ADAMTS9: variants seen among roughly 807,000 people sequenced by gnomAD.
ADAMTS9 encodes the protein A disintegrin and metalloproteinase with thrombospondin motifs 9.
In ADAMTS9, 107 loss-of-function variants were observed where a neutral mutation model predicts 257.1. The observed-to-expected ratio is 0.42, with a 90% confidence interval of 0.36 to 0.49. ADAMTS9 has a LOEUF of 0.49. ADAMTS9 is among the 20% of genes least tolerant of loss of function. The pLI is 0.03. For synonymous variants in ADAMTS9, 982 were observed against 880.9 expected, an observed-to-expected ratio of 1.11 and a Z score of -2.03; for missense variants, 2,353 against 2,469.1, an observed-to-expected ratio of 0.95 and a Z score of 1.00.
chr3:64,546,981 T>G, intron 31 of ADAMTS9, 29 bp from the exon 32 acceptor site: 1 of 1,583,082 alleles, frequency 6.3e-7, no homozygotes, highest in South Asian at 1.2e-5. Context: ...AGAGGAGAGG[T>G]TCGAGCAGTT....
intron 38 of ADAMTS9, among the ~76,000 whole-genome samples, chr3:64,527,484 G>A (rs1425758748): frequency 2.0e-5 from 3 of 152,030 alleles, no homozygotes; most frequent in African/African-American, 7.3e-5. Flanking sequence ...TGGGGGTGGA[G>A]GTGGGGATTT....
At position 64,533,169 on chromosome 3, in the gene ADAMTS9, C is replaced by G; in HGVS notation, c.5715G>C (p.Ser1905=). 1 of 1,612,464 alleles carries G rather than the reference C, an allele frequency of 6.2e-7. No homozygotes were observed. The change falls in exon 38 of 40, where the codon TCG becomes TCC. Residue 1905 remains serine, a synonymous_variant. Transcript: ENST00000498707. ...GNYAVSDIKK[S]PDGTRVVGKC... ...CAACCCATCTGTAGAACCTTACCGG[C>G]GACTTCTTGATGTCAGAGACAGCAT...
At chr3:64,591,732 A>G (rs1018293349) in intron 28 of ADAMTS9, among the ~76,000 whole-genome samples, 1 of 152,148 alleles carries the variant, frequency 6.6e-6, no homozygotes, top group Non-Finnish European at 1.5e-5. Flanking sequence ...GGCAATCTCC[A>G]TTTTGACCTT....
rs1458325211 is a variant in ADAMTS9, at chr3:64,622,648, T to C, written c.2390-62A>G. 3.2e-6 allele frequency: 5 copies of C among 1,564,264 alleles called. No individual in the cohort carries two copies. The South Asian group carries it at 5.6e-5, about 18-fold the overall frequency. The stretch of plus-strand genomic sequence containing the variant: ...TGTCAATGACTAGCTGTTTGAAATA[T>C]GAAGTAACATCTGGATAGGTAGAGA... On this transcript the variant is annotated intron_variant, in intron 16 of 39. Coordinates refer to ENST00000498707, the MANE Select transcript of ADAMTS9 (RefSeq NM_182920.2).
chr3:64,642,509 GA>G (rs1260053819), intron 11 of ADAMTS9, among the ~76,000 whole-genome samples: 1 of 152,152 alleles, frequency 6.6e-6, no homozygotes, highest in Non-Finnish European at 1.5e-5. Context: ...AGGATGAGAC[GA>G]AAGCAAAACG....
chr3:64,568,323 G>C (rs372427235), intron 29 of ADAMTS9, 45 bp downstream of exon 29: 3 of 1,569,060 alleles, frequency 1.9e-6, no homozygotes, highest in Non-Finnish European at 2.6e-6. Flanking sequence ...TCAGCCACGT[G>C]GCCAAACGTA....
rs559344937 is a variant in ADAMTS9, at chr3:64,579,971, G to T, written c.4357-11436C>A. On this transcript the variant is annotated intron_variant, in intron 28 of 39. Coordinates refer to ENST00000498707, the MANE Select transcript of ADAMTS9 (RefSeq NM_182920.2). ...AGCTAGGAACTCAGAATACTACACT[G>T]CCCTGTAAATGCAAGAAACATTGAC... Among the ~76,000 whole-genome samples, 6 of 152,222 alleles carry T rather than the reference G, an allele frequency of 3.9e-5. 1 individual carries two copies. Among genetic ancestry groups the T allele is most frequent in the African/African-American group, 1.4e-4 (6 of 41,536 alleles).
chr3:64,676,707 G>T (rs4505693), intron 3 of ADAMTS9, among the ~76,000 whole-genome samples: 94,807 of 151,942 alleles, frequency 0.62, 29,740 homozygotes, highest in Admixed American at 0.72. Context: ...CTGTTTCCAG[G>T]CTTTTGCTAT....
intron 23 of ADAMTS9, among the ~76,000 whole-genome samples, chr3:64,605,952 T>C (rs2084549547): frequency 6.6e-6 from 1 of 152,246 alleles, no homozygotes; most frequent in Non-Finnish European, 1.5e-5. Context: ...CATTTGTTGA[T>C]TTTTGCTGAA....
chr3:64,536,466 G>A (rs528976704), intron 37 of ADAMTS9, among the ~76,000 whole-genome samples: 1 of 152,326 alleles, frequency 6.6e-6, no homozygotes, highest in South Asian at 2.1e-4. Context: ...TGCAAAAGAT[G>A]TGCTTAGACC....
intron 19 of ADAMTS9, among the ~76,000 whole-genome samples, chr3:64,619,007 T>G (rs886280034): frequency 6.6e-6 from 1 of 152,208 alleles, no homozygotes; most frequent in African/African-American, 2.4e-5. Context: ...AAGTGAAAAA[T>G]AGTTTTTCAA....
chr3:64,618,800 C>A (rs774535707), intron 19 of ADAMTS9, among the ~76,000 whole-genome samples: 1 of 152,044 alleles, frequency 6.6e-6, no homozygotes. Context: ...AACCAATGAG[C>A]GGAAATCTAT....
intron 3 of ADAMTS9, among the ~76,000 whole-genome samples, chr3:64,663,428 CTTTT>C (rs10712747): frequency 3.9e-5 from 5 of 127,530 alleles, no homozygotes; most frequent in Admixed American, 7.9e-5. Context: ...GTATGGAATT[CTTTT>C]TTTTTTTTTT....
At chr3:64,638,949 T>C (rs560147291) in intron 12 of ADAMTS9, among the ~76,000 whole-genome samples, 1 of 152,216 alleles carries the variant, frequency 6.6e-6, no homozygotes, top group East Asian at 1.9e-4. Context: ...CTCTCCATTA[T>C]ATTGTAAGGG....
At chr3:64,635,380 G>C (rs1323153130) in intron 12 of ADAMTS9, among the ~76,000 whole-genome samples, 1 of 152,180 alleles carries the variant, frequency 6.6e-6, no homozygotes, top group African/African-American at 2.4e-5. Context: ...TAAAAGGCTT[G>C]TTGTGACTCT....
intron 3 of ADAMTS9, among the ~76,000 whole-genome samples, chr3:64,666,235 C>A (rs774799004): frequency 8.5e-5 from 13 of 152,186 alleles, no homozygotes; most frequent in Non-Finnish European, 1.6e-4. Flanking sequence ...CAAATACCAG[C>A]CAGGCCTCGT....
At chr3:64,654,204 A>C in intron 8 of ADAMTS9, 149 bp downstream of exon 8, 1 of 773,822 alleles carries the variant, frequency 1.3e-6, no homozygotes, top group Non-Finnish European at 2.1e-6. Context: ...ATTTCACCTA[A>C]TTAGGTTCAA....
At chr3:64,671,219 C>T (rs1298057159) in intron 3 of ADAMTS9, among the ~76,000 whole-genome samples, 1 of 152,186 alleles carries the variant, frequency 6.6e-6, no homozygotes, top group Non-Finnish European at 1.5e-5. Context: ...ATTACTGATA[C>T]AGGCAACAAT....
intron 28 of ADAMTS9, chr3:64,587,352 G>A (rs2084176639): frequency 6.6e-6 from 1 of 152,112 alleles, no homozygotes; most frequent in Admixed American, 6.6e-5. Context: ...TAAATTTATT[G>A]ATTTCTTTGC....
Sources: allele counts gnomAD v4.1 joint callset (sites outside exome capture counted in the v4.1 genomes callset), GRCh38; gene constraint gnomAD v4.1.1; transcripts MANE v1.5; gene names NCBI Gene and HGNC (gene_info 2026-07-23, HGNC 2026-07-21).